Variants in MCU observed in about 807,000 individuals in gnomAD.
The protein encoded by MCU is calcium uniporter protein, mitochondrial.
In MCU, 12 loss-of-function variants were observed where a neutral mutation model predicts 45.2. The ratio of observed to expected loss-of-function variants is 0.27; its 90% confidence interval spans 0.17 to 0.43. MCU has a LOEUF of 0.43. MCU is among the 20% of genes least tolerant of loss of function. MCU has a pLI of 1.00. For missense variants in MCU, 324 were observed against 436.7 expected, an observed-to-expected ratio of 0.74 and a Z score of 2.30; for synonymous variants, 160 against 165.1, an observed-to-expected ratio of 0.97 and a Z score of 0.24.
intron 1 of MCU, among the ~76,000 whole-genome samples, chr10:72,785,775 CTTGT>C (rs1462307495): frequency 8.5e-5 from 13 of 152,268 alleles, no homozygotes; most frequent in Non-Finnish European, 1.9e-4. Flanking sequence ...CGTATAGCTA[CTTGT>C]TTTAATTTAG....
chr10:72,774,962 T>C (rs1468214734), intron 1 of MCU, among the ~76,000 whole-genome samples: 1 of 152,046 alleles, frequency 6.6e-6, no homozygotes. Context: ...TAGGGCACTT[T>C]AACACCACAG....
chr10:72,870,809 A>T (rs1845531326), intron 5 of MCU, among the ~76,000 whole-genome samples: 1 of 152,222 alleles, frequency 6.6e-6, no homozygotes, highest in South Asian at 2.1e-4. Context: ...TTGTGACTGG[A>T]TGAAGACCTC....
At chr10:72,710,030 C>A (rs1027117321) in intron 1 of MCU, among the ~76,000 whole-genome samples, 4 of 152,172 alleles carry the variant, frequency 2.6e-5, no homozygotes, top group Non-Finnish European at 5.9e-5. Flanking sequence ...GGCTGGAGTG[C>A]AGTGGTGCGA....
At position 72,871,336 on chromosome 10, in the gene MCU, G is replaced by A. The variant is rs757142315; in HGVS notation, c.658-41G>A. On this transcript the variant is annotated intron_variant, in intron 5 of 7. Coordinates refer to ENST00000373053, the MANE Select transcript of MCU (RefSeq NM_138357.3). ...GAACAGTTTAAGCCTTTTTAGATTG[G>A]TTTTATGTCAAAATGCCTTATGATT... The A allele has an allele frequency of 1.4e-5, 23 of 1,594,062 alleles. No individual in the cohort carries two copies. In the South Asian group the frequency reaches 2.0e-4, roughly 14 times the overall value.
chr10:72,714,343 G>GTTTTTTTTTT (rs1479850646), intron 1 of MCU, among the ~76,000 whole-genome samples: 8 of 49,478 alleles, frequency 1.6e-4, no homozygotes, highest in African/African-American at 5.2e-4. Context: ...CCCCGCCCTG[G>GTTTTTTTTTT]TCTTTTTTTT....
chr10:72,723,296 A>G (rs1347752716), intron 1 of MCU, among the ~76,000 whole-genome samples: 2 of 152,280 alleles, frequency 1.3e-5, no homozygotes, highest in Non-Finnish European at 2.9e-5. Context: ...AAATTAATAA[A>G]CTTAGTTTTC....
intron 2 of MCU, among the ~76,000 whole-genome samples, chr10:72,856,815 C>G (rs1019535261): frequency 0.016 from 1 of 62 alleles, no homozygotes; most frequent in African/African-American, 0.033. Flanking sequence ...TGGTGGTGCA[C>G]GCCTGTAGTT....
intron 1 of MCU, among the ~76,000 whole-genome samples, chr10:72,742,041 A>C (rs944262932): frequency 8.7e-5 from 13 of 150,122 alleles, no homozygotes; most frequent in African/African-American, 1.5e-4. Flanking sequence ...AAAAAAAAAA[A>C]AAAACAAAAA....
chr10:72,780,551 T>TGTGTGTGTGTGTGTGTGTGTGGGG (rs1554823562), intron 1 of MCU, among the ~76,000 whole-genome samples: 1 of 143,932 alleles, frequency 6.9e-6, no homozygotes, highest in Non-Finnish European at 1.5e-5. Context: ...TGTGTGTGTG[T>TGTGTGTGTGTGTGTGTGTGTGGGG]TGGGTGAATT....
chr10:72,839,624 G>T (rs907899709), intron 2 of MCU, among the ~76,000 whole-genome samples: 2 of 151,762 alleles, frequency 1.3e-5, no homozygotes, highest in East Asian at 3.9e-4. Flanking sequence ...ACCAAATGAG[G>T]GACATTAGGA....
chr10:72,866,591 TTCA>T (rs1402766545), intron 4 of MCU, among the ~76,000 whole-genome samples: 1 of 152,066 alleles, frequency 6.6e-6, no homozygotes, highest in Non-Finnish European at 1.5e-5. Context: ...GAGTTGGGGT[TTCA>T]TCATGTTGGC....
chr10:72,730,078 G>C (rs1297955015), intron 1 of MCU, among the ~76,000 whole-genome samples: 1 of 149,366 alleles, frequency 6.7e-6, no homozygotes, highest in Admixed American at 6.8e-5. Context: ...TCCTGCCTCA[G>C]CCTCCCTAGT....
chr10:72,741,071 T>A (rs1227106689), intron 1 of MCU, among the ~76,000 whole-genome samples: 1 of 151,766 alleles, frequency 6.6e-6, no homozygotes, highest in Non-Finnish European at 1.5e-5. Context: ...TATAATTGAG[T>A]TCTTGAGAGA....
intron 1 of MCU, among the ~76,000 whole-genome samples, chr10:72,721,422 G>A (rs924927717): frequency 6.6e-6 from 1 of 152,054 alleles, no homozygotes; most frequent in Non-Finnish European, 1.5e-5. Context: ...AGTCAATATC[G>A]GCTTCAGCAC....
chr10:72,732,637 C>T (rs1318683760), intron 1 of MCU, among the ~76,000 whole-genome samples: 1 of 152,112 alleles, frequency 6.6e-6, no homozygotes, highest in Non-Finnish European at 1.5e-5. Context: ...AAACAACTGC[C>T]CTTGGTTTCT....
intron 1 of MCU, among the ~76,000 whole-genome samples, chr10:72,830,567 C>T (rs1844864307): frequency 6.6e-6 from 1 of 152,178 alleles, no homozygotes; most frequent in African/African-American, 2.4e-5. Flanking sequence ...CACTGTGCTT[C>T]CTACTGTATG....
intron 1 of MCU, chr10:72,756,626 A>G (rs1843580376): frequency 6.6e-6 from 1 of 152,192 alleles, no homozygotes; most frequent in Non-Finnish European, 1.5e-5. Flanking sequence ...GTTTTGCCAT[A>G]TTCAAAGAAG....
At position 72,702,929 on chromosome 10, in the gene MCU, C is replaced by T. The variant is rs557089637; in HGVS notation, c.150+10628C>T. On this transcript the variant is annotated intron_variant, in intron 1 of 7. Transcript: ENST00000373053. ...GGAGGCAGAGGTTGCAGTGAGCTGACATGGTGCCATTGCACCCCAGCCTGG... is the reference window on the plus strand; with the variant it reads ...GGAGGCAGAGGTTGCAGTGAGCTGATATGGTGCCATTGCACCCCAGCCTGG... Among the ~76,000 whole-genome samples, 5 of 150,534 alleles carry T rather than the reference C, an allele frequency of 3.3e-5. No homozygotes were observed. In the East Asian group the frequency reaches 9.8e-4, roughly 30 times the overall value.
chr10:72,803,872 A>G (rs1844378904), intron 1 of MCU, among the ~76,000 whole-genome samples: 1 of 150,886 alleles, frequency 6.6e-6, no homozygotes, highest in Non-Finnish European at 1.5e-5. Flanking sequence ...TTTTAATATC[A>G]TAGAATATCT....
Sources: allele counts gnomAD v4.1 joint callset (sites outside exome capture counted in the v4.1 genomes callset), GRCh38; gene constraint gnomAD v4.1.1; transcripts MANE v1.5; gene names NCBI Gene and HGNC (gene_info 2026-07-23, HGNC 2026-07-21).